The following NLK variants were observed in gnomAD, a reference collection of about 807,000 sequenced individuals.
The protein encoded by NLK is serine/threonine-protein kinase NLK.
A neutral mutation model predicts 59.0 loss-of-function variants in NLK; 11 were observed. The ratio of observed to expected loss-of-function variants is 0.19; its 90% confidence interval spans 0.12 to 0.31. NLK has a LOEUF of 0.31. Ranked by LOEUF, NLK falls within the 10% of genes least tolerant of loss-of-function variation. The probability of loss-of-function intolerance (pLI) is 1.00; values close to 1 mark genes in which losing one functional copy is unlikely to be tolerated. For synonymous variants in NLK, 235 were observed against 235.9 expected, an observed-to-expected ratio of 1.00 and a Z score of 0.03; for missense variants, 410 against 661.1, an observed-to-expected ratio of 0.62 and a Z score of 4.16.
chr17:28,189,086 C>A (rs1025635999), intron 8 of NLK, among the ~76,000 whole-genome samples: 2 of 152,060 alleles, frequency 1.3e-5, no homozygotes, highest in African/African-American at 4.8e-5. Context: ...TGACAGGTCA[C>A]CATCAAAAAG....
downstream of NLK, among the ~76,000 whole-genome samples, chr17:28,198,605 G>A (rs1340718653): frequency 6.6e-6 from 1 of 152,148 alleles, no homozygotes; most frequent in Non-Finnish European, 1.5e-5. Context: ...GATTACAGGC[G>A]TGAGCCACCG....
chr17:28,126,891 T>C (rs1483256619), intron 2 of NLK, among the ~76,000 whole-genome samples: 2 of 152,206 alleles, frequency 1.3e-5, no homozygotes, highest in Admixed American at 1.3e-4. Flanking sequence ...TGTATATACA[T>C]GCATAGTTGT....
chr17:28,118,216 G>C (rs571763880), intron 1 of NLK, among the ~76,000 whole-genome samples: 1 of 152,216 alleles, frequency 6.6e-6, no homozygotes, highest in South Asian at 2.1e-4. Flanking sequence ...TTAGTTAGGA[G>C]GTTCTGTTAC....
intron 1 of NLK, among the ~76,000 whole-genome samples, chr17:28,072,902 TG>T (rs1026738544): frequency 2.6e-5 from 4 of 152,194 alleles, no homozygotes; most frequent in African/African-American, 9.7e-5. Flanking sequence ...CTGCTGTCTT[TG>T]TTGGTCTAAT....
At chr17:28,187,230 G>C (rs1335348740) in intron 8 of NLK, among the ~76,000 whole-genome samples, 2 of 152,130 alleles carry the variant, frequency 1.3e-5, no homozygotes. Flanking sequence ...ACCTCTACCA[G>C]GTGTGCATAC....
intron 7 of NLK, among the ~76,000 whole-genome samples, chr17:28,177,856 A>G (rs1326024360): frequency 6.6e-6 from 1 of 152,070 alleles, no homozygotes. Flanking sequence ...CAGCTTTTTC[A>G]TTTTCTGCCC....
At chr17:28,203,960 C>T in the NLK span, among the ~76,000 whole-genome samples, 1 of 152,196 alleles carries the variant, frequency 6.6e-6, no homozygotes, top group East Asian at 1.9e-4. Flanking sequence ...TGACTTCTGG[C>T]TTTCTTCCCT....
chr17:28,120,378 G>A (rs2142816380), intron 1 of NLK, among the ~76,000 whole-genome samples: 1 of 152,112 alleles, frequency 6.6e-6, no homozygotes, highest in Admixed American at 6.5e-5. Flanking sequence ...AAAGTGCTGG[G>A]TTTAACAGGT....
At chr17:28,117,905 A>C (rs562363423) in intron 1 of NLK, among the ~76,000 whole-genome samples, 1 of 152,128 alleles carries the variant, frequency 6.6e-6, no homozygotes, top group African/African-American at 2.4e-5. Context: ...ATTGTATACA[A>C]CTCTATAAAT....
Position 28,061,746 on chromosome 17 carries a change from A to G in NLK, c.458+18415A>G, listed in dbSNP as rs190383749. On this transcript the variant is annotated intron_variant, in intron 1 of 10. Transcript: ENST00000407008. ...TTTCTCAAATCATTATTTCATATAT[A>G]TATACATATATACACATATACATAT... is the stretch of plus-strand genomic sequence containing the variant. 2.2e-3 allele frequency among the ~76,000 whole-genome samples: 331 copies of G among 147,488 alleles called. 3 individuals carry two copies. The highest frequency in any genetic ancestry group is 0.022 in the Admixed American group (318 of 14,528).
chr17:28,076,962 A>G (rs1286711408), intron 1 of NLK, among the ~76,000 whole-genome samples: 1 of 151,916 alleles, frequency 6.6e-6, no homozygotes, highest in Non-Finnish European at 1.5e-5. Context: ...AAAATTTGCT[A>G]ATTTAATGCT....
intron 3 of NLK, among the ~76,000 whole-genome samples, chr17:28,145,712 A>ATT (rs895113118): frequency 6.9e-6 from 1 of 144,586 alleles, no homozygotes; most frequent in Admixed American, 6.9e-5. Flanking sequence ...TTAAAGGAGC[A>ATT]TTTTTTTTTT....
chr17:28,158,114 C>T (rs1907857262), intron 3 of NLK, among the ~76,000 whole-genome samples: 1 of 152,124 alleles, frequency 6.6e-6, no homozygotes, highest in African/African-American at 2.4e-5. Flanking sequence ...ATAGGGAGTA[C>T]AGGTTGTTAC....
At chr17:28,178,669 C>T (rs975262166) in intron 7 of NLK, among the ~76,000 whole-genome samples, 1 of 152,132 alleles carries the variant, frequency 6.6e-6, no homozygotes, top group Admixed American at 6.5e-5. Flanking sequence ...TGAAGATAGT[C>T]CTGTCTCCTG....
At chr17:28,136,437 A>G (rs1906750255) in intron 3 of NLK, among the ~76,000 whole-genome samples, 1 of 152,234 alleles carries the variant, frequency 6.6e-6, no homozygotes, top group Admixed American at 6.5e-5. Flanking sequence ...ACAGGATTAT[A>G]AAGACTTTTT....
At chr17:28,204,678 A>C in the NLK span, among the ~76,000 whole-genome samples, 1 of 152,204 alleles carries the variant, frequency 6.6e-6, no homozygotes, top group Non-Finnish European at 1.5e-5. Context: ...ATTCTAGTAG[A>C]CAGACAATAA....
At chr17:28,183,187 G>C (rs1349817761) in intron 7 of NLK, among the ~76,000 whole-genome samples, 1 of 152,190 alleles carries the variant, frequency 6.6e-6, no homozygotes, top group African/African-American at 2.4e-5. Flanking sequence ...TTAAGAAAAA[G>C]AAGAAGCAGC....
Position 28,165,594 on chromosome 17 carries a change from G to A in NLK, c.837+1966G>A, listed in dbSNP as rs146205162. On this transcript the variant is annotated intron_variant, in intron 5 of 10. Transcript: ENST00000407008. Reference sequence around the variant, plus strand: ...ATAACAAAACATTTTTTAAAAATCAGTATCCTTCCATATCGTGAATGTATT... The same window carrying A: ...ATAACAAAACATTTTTTAAAAATCAATATCCTTCCATATCGTGAATGTATT... Among the ~76,000 whole-genome samples, 776 of 152,252 alleles carry A rather than the reference G, an allele frequency of 5.1e-3. 4 individuals are homozygous for A. The highest frequency in any genetic ancestry group is 0.017 in the Middle Eastern group (5 of 294).
At chr17:28,102,789 A>C (rs921075923) in intron 1 of NLK, among the ~76,000 whole-genome samples, 1 of 152,188 alleles carries the variant, frequency 6.6e-6, no homozygotes, top group Non-Finnish European at 1.5e-5. Context: ...AAGTTCATTT[A>C]TTATAGAGTC....
Sources: allele counts gnomAD v4.1 joint callset (sites outside exome capture counted in the v4.1 genomes callset), GRCh38; gene constraint gnomAD v4.1.1; transcripts MANE v1.5; gene names NCBI Gene and HGNC (gene_info 2026-07-23, HGNC 2026-07-21).